The following CDH18 variants were observed in gnomAD, a reference collection of about 807,000 sequenced individuals.
CDH18 encodes cadherin-18.
Under a neutral mutation model 67.9 loss-of-function variants are expected in CDH18, and 31 were observed. That is an observed-to-expected ratio of 0.46 (90% CI 0.34 to 0.62). The LOEUF (loss-of-function observed/expected upper bound fraction) is 0.62, where lower values mean the gene tolerates loss of function less well. Ranked by LOEUF, CDH18 falls within the 20% of genes least tolerant of loss-of-function variation. The pLI is 0.01. For synonymous variants in CDH18, 362 were observed against 347.2 expected, an observed-to-expected ratio of 1.04 and a Z score of -0.48; for missense variants, 890 against 975.5, an observed-to-expected ratio of 0.91 and a Z score of 1.17.
rs376897134 is a variant in CDH18 at position 20,137,641 on chromosome 5, C to T, written c.-518+117803G>A. ...TTGTTCCATTGCTGGCAAGGAGCTG[C>T]ATTCCTCTGGAGGAGAAGAGGCACT... On this transcript the variant is annotated intron_variant, in intron 2 of 14. Coordinates refer to the CDH18 transcript ENST00000507958. Among the ~76,000 whole-genome samples the T allele has an allele frequency of 6.3e-4, 96 of 152,208 alleles. No individual in the cohort carries two copies. The South Asian group carries it at 0.017, about 27-fold the overall frequency.
intron 2 of CDH18, among the ~76,000 whole-genome samples, chr5:19,948,058 G>C (rs1167212006): frequency 6.6e-6 from 1 of 152,152 alleles, no homozygotes; most frequent in Admixed American, 6.5e-5. Context: ...TCGAGGAAGT[G>C]TAAATTAAGT....
chr5:20,127,584 G>A (rs952600556), intron 2 of CDH18, among the ~76,000 whole-genome samples: 9 of 152,084 alleles, frequency 5.9e-5, no homozygotes, highest in African/African-American at 9.7e-5. Flanking sequence ...TAAGTGAAAT[G>A]AGCCAGTCAC....
chr5:19,590,479 C>CGGATGGATAGAT (rs1373167462), intron 7 of CDH18, among the ~76,000 whole-genome samples: 1 of 90,904 alleles, frequency 1.1e-5, no homozygotes, highest in Non-Finnish European at 2.7e-5. Context: ...AGTAGCTAGA[C>CGGATGGATAGAT]AGATGGATAG....
intron 2 of CDH18, chr5:19,886,339 A>C (rs1788193537): frequency 6.6e-6 from 1 of 152,188 alleles, no homozygotes. Context: ...ATGCAAGCTA[A>C]AAGCTATGCA....
Position 19,638,997 on chromosome 5 carries a change from T to G in CDH18, c.644-26396A>C, listed in dbSNP as rs1043704959. On this transcript the variant is annotated intron_variant, in intron 5 of 12. Coordinates refer to ENST00000382275, the MANE Select transcript of CDH18 (RefSeq NM_004934.5). ...TTGCTGTTTTTTTTTTTTTTTTTTT[T>G]TTTTTTTGTTTGTTTTTTCTTTTTT... 1.0e-3 allele frequency among the ~76,000 whole-genome samples: 115 copies of G among 113,868 alleles called. 2 individuals carry two copies. Among genetic ancestry groups the G allele is most frequent in the Non-Finnish European group, 1.9e-3 (97 of 50,780 alleles). The allele number at this position is 113,868 out of a possible 152,430, so 74.7% of individuals were successfully genotyped here. A position where few individuals can be genotyped will look rare whatever the true frequency, so the allele number is the denominator to read the frequency against.
At chr5:19,710,304 T>G (rs1764550183) in intron 5 of CDH18, among the ~76,000 whole-genome samples, 1 of 152,170 alleles carries the variant, frequency 6.6e-6, no homozygotes, top group South Asian at 2.1e-4. Context: ...AATAACTGCC[T>G]TCCCAAAGTC....
intron 2 of CDH18, among the ~76,000 whole-genome samples, chr5:19,963,265 G>T (rs1366371706): frequency 6.6e-6 from 1 of 151,970 alleles, no homozygotes; most frequent in Non-Finnish European, 1.5e-5. Flanking sequence ...TTCACTTCAA[G>T]GTATTAAAAC....
intron 11 of CDH18, among the ~76,000 whole-genome samples, chr5:19,489,397 G>T (rs754043179): frequency 4.6e-5 from 7 of 151,576 alleles, no homozygotes; most frequent in Admixed American, 2.0e-4. Context: ...ACAGGCGCCC[G>T]CCACCACACC....
chr5:20,425,265 G>A (rs986553686), intron 1 of CDH18, among the ~76,000 whole-genome samples: 2 of 150,076 alleles, frequency 1.3e-5, no homozygotes, highest in African/African-American at 2.5e-5. Flanking sequence ...TACTCTACTC[G>A]GGAGGCGAGG....
intron 2 of CDH18, among the ~76,000 whole-genome samples, chr5:20,048,025 T>C (rs1741061743): frequency 6.6e-6 from 1 of 151,812 alleles, no homozygotes; most frequent in African/African-American, 2.4e-5. Context: ...AGGTTTAAAG[T>C]TTAGTTATCA....
chr5:19,500,702 G>A (rs1291383610), intron 11 of CDH18, among the ~76,000 whole-genome samples: 1 of 152,074 alleles, frequency 6.6e-6, no homozygotes, highest in Non-Finnish European at 1.5e-5. Flanking sequence ...AACTTCATTT[G>A]CATAGTTAAA....
At chr5:20,504,611 C>A (rs1393263787) in intron 1 of CDH18, among the ~76,000 whole-genome samples, 2 of 151,692 alleles carry the variant, frequency 1.3e-5, no homozygotes, top group African/African-American at 2.4e-5. Flanking sequence ...AGTATGATAG[C>A]AATATTTTAC....
chr5:19,482,539 G>A (rs1739633964), intron 12 of CDH18, among the ~76,000 whole-genome samples: 1 of 152,126 alleles, frequency 6.6e-6, no homozygotes, highest in Non-Finnish European at 1.5e-5. Flanking sequence ...TAATTATTGT[G>A]AACTAGTAGA....
At chr5:19,769,121 G>A (rs1019400248) in intron 3 of CDH18, among the ~76,000 whole-genome samples, 1 of 151,856 alleles carries the variant, frequency 6.6e-6, no homozygotes, top group Non-Finnish European at 1.5e-5. Flanking sequence ...AATAGAGAGA[G>A]AAAAGGAGAC....
intron 5 of CDH18, among the ~76,000 whole-genome samples, chr5:19,644,713 G>A (rs1422703994): frequency 6.6e-6 from 1 of 152,122 alleles, no homozygotes; most frequent in Non-Finnish European, 1.5e-5. Context: ...CTGGGGCTTG[G>A]TATGACCCGT....
intron 5 of CDH18, among the ~76,000 whole-genome samples, chr5:19,644,433 T>C (rs1754454459): frequency 6.6e-6 from 1 of 152,062 alleles, no homozygotes; most frequent in African/African-American, 2.4e-5. Context: ...TCAAAACCTG[T>C]TTCTTGTGGT....
At chr5:20,247,671 G>A (rs560654116) in intron 2 of CDH18, among the ~76,000 whole-genome samples, 13 of 151,728 alleles carry the variant, frequency 8.6e-5, no homozygotes, top group African/African-American at 1.2e-4. Context: ...GGCTGAGGCA[G>A]GAGAATCACT....
intron 3 of CDH18, among the ~76,000 whole-genome samples, chr5:19,771,066 T>C (rs1158113221): frequency 6.6e-6 from 1 of 152,148 alleles, no homozygotes; most frequent in Non-Finnish European, 1.5e-5. Flanking sequence ...ATGATACTTT[T>C]GGGGTACTTG....
intron 1 of CDH18, among the ~76,000 whole-genome samples, chr5:20,453,721 G>A (rs1424491445): frequency 6.6e-6 from 1 of 151,916 alleles, no homozygotes; most frequent in East Asian, 1.9e-4. Flanking sequence ...ATCCTGATGA[G>A]TTTACCAGCG....
Sources: gnomAD v4.1 joint callset for allele counts (sites outside exome capture counted in the v4.1 genomes callset) on GRCh38, gnomAD v4.1.1 for gene constraint, MANE v1.5 for transcripts, NCBI Gene and HGNC (gene_info 2026-07-23, HGNC 2026-07-21) for gene names.